The following TRMT1L variants were observed in gnomAD, a reference collection of about 807,000 sequenced individuals.
TRMT1L encodes the protein tRNA methyltransferase 1L, also known as tRNA (guanine(27)-N(2))-dimethyltransferase.
Under a neutral mutation model 81.6 loss-of-function variants are expected in TRMT1L, and 28 were observed. That is an observed-to-expected ratio of 0.34 (90% CI 0.25 to 0.47). The LOEUF is 0.47. TRMT1L is among the 20% of genes least tolerant of loss of function. The pLI is 1.00. For missense variants in TRMT1L, 739 were observed against 877.1 expected, an observed-to-expected ratio of 0.84 and a Z score of 1.99; for synonymous variants, 301 against 303.2, an observed-to-expected ratio of 0.99 and a Z score of 0.07.
At chr1:185,137,919 A>G (rs1571349660) in intron 9 of TRMT1L, 123 bp from the exon 10 acceptor site, 2 of 861,762 alleles carry the variant, frequency 2.3e-6, no homozygotes, top group African/African-American at 3.4e-5. Context: ...GAAAAATTCA[A>G]TTCTCAGTAG....
At chr1:185,132,156 A>G (rs1208966051) in intron 10 of TRMT1L, among the ~76,000 whole-genome samples, 1 of 152,030 alleles carries the variant, frequency 6.6e-6, no homozygotes, top group African/African-American at 2.4e-5. Flanking sequence ...AAAGAAAAAG[A>G]AAAAGAAAAA....
chr1:185,139,337 A>C, intron 9 of TRMT1L, 30 bp downstream of exon 9: 1 of 1,573,814 alleles, frequency 6.4e-7, no homozygotes, highest in Non-Finnish European at 8.7e-7. Context: ...ATACTGAAAC[A>C]CACTAAGTAC....
At chr1:185,129,528 A>T (rs1652718706) in intron 10 of TRMT1L, among the ~76,000 whole-genome samples, 1 of 152,204 alleles carries the variant, frequency 6.6e-6, no homozygotes, top group Non-Finnish European at 1.5e-5. Flanking sequence ...TAGTCATTTT[A>T]TATCAGATAT....
rs1222090154 is a variant in TRMT1L, at chr1:185,120,851, T to G, written c.1823-342A>C. On this transcript the variant is annotated intron_variant, in intron 13 of 14. Transcript: ENST00000367506. ...TCAGAGTTTGATTAAGTTGTCATTT[T>G]TTTTTCTTTTCTTATAGTTCCTTAA... 3 of 160,848 alleles carry G rather than the reference T, an allele frequency of 1.9e-5. No homozygotes were observed. In the East Asian group the frequency reaches 5.3e-4, roughly 28 times the overall value. 10.0% of individuals were successfully genotyped at this position (160,848 alleles called of 1,614,324 possible).
In TRMT1L at chr1:185,119,671, G is replaced by T. The variant is rs942408180; in HGVS notation, c.*348C>A. On this transcript the variant is annotated 3_prime_UTR_variant, in exon 15 of 15. Transcript: ENST00000367506. ...AACATCATGAATCAGTTTAGGCAGA[G>T]ATGTGATTAAGAATTGTAAAAGATG... The T allele has an allele frequency of 5.4e-6, 1 of 186,734 alleles. No individual in the cohort carries two copies. The highest frequency in any genetic ancestry group is 1.1e-5 in the Non-Finnish European group (1 of 89,424). 11.6% of individuals were successfully genotyped at this position (186,734 alleles called of 1,614,324 possible). A position where few individuals can be genotyped will look rare whatever the true frequency, so the allele number is the denominator to read the frequency against.
chr1:185,148,794 G>A (rs951731392), intron 3 of TRMT1L, among the ~76,000 whole-genome samples: 1 of 152,044 alleles, frequency 6.6e-6, no homozygotes, highest in African/African-American at 2.4e-5. Flanking sequence ...AAGACAAGAT[G>A]GTCCTTAAAT....
chr1:185,149,308 T>TC (rs1317882752), intron 3 of TRMT1L, among the ~76,000 whole-genome samples: 1 of 151,516 alleles, frequency 6.6e-6, no homozygotes, highest in African/African-American at 2.4e-5. Context: ...CTTCCTCTTT[T>TC]TTTTTTTTTT....
chr1:185,139,942 G>T, intron 8 of TRMT1L, 31 bp downstream of exon 8: 1 of 1,579,496 alleles, frequency 6.3e-7, no homozygotes, highest in South Asian at 1.2e-5. Context: ...GATAAGTTTA[G>T]AAAGTGACAC....
chr1:185,125,242 A>T, intron 11 of TRMT1L, 132 bp from the exon 12 acceptor site: 1 of 544,760 alleles, frequency 1.8e-6, no homozygotes, highest in East Asian at 3.4e-5. Context: ...ATTCAAAAAG[A>T]ATTTATGATT....
rs1378895035 is a variant in TRMT1L, at chr1:185,150,420, T to A, written c.419A>T (p.His140Leu). 1.2e-6 allele frequency: 2 copies of A among 1,613,606 alleles called. No homozygotes were observed. Among genetic ancestry groups the A allele is most frequent in the African/African-American group, 2.7e-5 (2 of 74,902 alleles). ...RACNSHKLRR[H>L]LQNLHWKVSV... The stretch of plus-strand genomic sequence containing the variant: ...GACTTTCCAGTGTAAATTCTGGAGG[T>A]GACGACGAAGCTTATGGCTATTACA... Residue 140 changes from histidine (H) to leucine (L), a missense_variant, in exon 3 of 15, where the codon CAC becomes CTC. His to Leu is a moderately conservative substitution (Grantham distance 99). This residue lies in a region of TRMT1L where 331 missense variants were observed against 462.2 expected (regional missense o/e 0.72). Coordinates refer to ENST00000367506, the MANE Select transcript of TRMT1L (RefSeq NM_030934.5).
In TRMT1L at chr1:185,156,848, C is replaced by G; in HGVS notation, c.-136G>C. 2.4e-6 allele frequency: 3 copies of G among 1,228,448 alleles called. No homozygotes were observed. The South Asian group carries it at 4.6e-5, about 19-fold the overall frequency. The allele number at this position is 1,228,448 out of a possible 1,614,324, so 76.1% of individuals were successfully genotyped here. On this transcript the variant is annotated 5_prime_UTR_variant, in exon 1 of 15. Coordinates refer to ENST00000367506, the MANE Select transcript of TRMT1L (RefSeq NM_030934.5). ...AGTGGGGAGGGCGGGATGCGTGCAACAGACAAAAGATGAAGAACCAGTGAC... is the reference window on the plus strand; with the variant it reads ...AGTGGGGAGGGCGGGATGCGTGCAAGAGACAAAAGATGAAGAACCAGTGAC...
chr1:185,154,270 T>G (rs1653436547), intron 1 of TRMT1L, among the ~76,000 whole-genome samples: 1 of 152,194 alleles, frequency 6.6e-6, no homozygotes, highest in Non-Finnish European at 1.5e-5. Flanking sequence ...CATAGCTCAC[T>G]GCAGCCTCAA....
At chr1:185,143,087 T>A (rs1653092705) in intron 7 of TRMT1L, among the ~76,000 whole-genome samples, 1 of 152,142 alleles carries the variant, frequency 6.6e-6, no homozygotes, top group Non-Finnish European at 1.5e-5. Flanking sequence ...TTGTTTCAAA[T>A]TAATGGATAT....
intron 13 of TRMT1L, among the ~76,000 whole-genome samples, chr1:185,123,315 A>G (rs1302041709): frequency 6.6e-6 from 1 of 152,192 alleles, no homozygotes; most frequent in African/African-American, 2.4e-5. Flanking sequence ...AGTTTTTTAA[A>G]AAGCAAAACA....
chr1:185,134,385 T>C (rs1410036142), intron 10 of TRMT1L, among the ~76,000 whole-genome samples: 1 of 152,166 alleles, frequency 6.6e-6, no homozygotes, highest in Non-Finnish European at 1.5e-5. Flanking sequence ...AGAGATGGGG[T>C]TTCACCATGT....
intron 12 of TRMT1L, among the ~76,000 whole-genome samples, 182 bp from the exon 13 acceptor site, chr1:185,124,101 T>C (rs1650886846): frequency 6.6e-6 from 1 of 151,232 alleles, no homozygotes; most frequent in South Asian, 2.1e-4. Context: ...CAGTTTCTAA[T>C]TATTTATGAG....
At chr1:185,123,949 A>G in intron 12 of TRMT1L, 30 bp from the exon 13 acceptor site, 3 of 1,272,984 alleles carry the variant, frequency 2.4e-6, no homozygotes, top group Non-Finnish European at 3.2e-6. Flanking sequence ...GGAAAAGAAA[A>G]TATTTTACAG....
chr1:185,154,213 T>C (rs1274395008), intron 1 of TRMT1L, among the ~76,000 whole-genome samples: 1 of 152,212 alleles, frequency 6.6e-6, no homozygotes, highest in Non-Finnish European at 1.5e-5. Context: ...TATTTAAAGA[T>C]GGGTCTTGCT....
chr1:185,127,528 C>T (rs1571343734), intron 11 of TRMT1L, among the ~76,000 whole-genome samples: 2 of 151,774 alleles, frequency 1.3e-5, no homozygotes, highest in Admixed American at 6.6e-5. Flanking sequence ...GAGGCCGAGG[C>T]GGGTGGATCA....
Sources: allele counts gnomAD v4.1 joint callset (sites outside exome capture counted in the v4.1 genomes callset), GRCh38; gene constraint gnomAD v4.1.1; regional missense constraint gnomAD v4.1.1; transcripts MANE v1.5; gene names NCBI Gene and HGNC (gene_info 2026-07-23, HGNC 2026-07-21).